The following CFAP54 variants were observed in gnomAD, a reference collection of about 807,000 sequenced individuals.
The protein encoded by CFAP54 is cilia- and flagella-associated protein 54.
A neutral mutation model predicts 370.4 loss-of-function variants in CFAP54; 290 were observed. The ratio of observed to expected loss-of-function variants is 0.78; its 90% CI spans 0.71 to 0.86. The LOEUF (loss-of-function observed/expected upper bound fraction) is 0.86. Among genes scored for constraint, CFAP54 ranks in the 40% least tolerant of loss-of-function variants. The probability of loss-of-function intolerance (pLI) is 0.00; values close to 1 mark genes in which losing one functional copy is unlikely to be tolerated. For synonymous variants in CFAP54, 1,206 were observed against 1,236.5 expected (o/e 0.98, Z 0.52); for missense variants, 3,399 against 3,528.7 (o/e 0.96, Z 0.93).
intron 1 of CFAP54, among the ~76,000 whole-genome samples, chr12:96,491,491 G>A (rs1412141649): frequency 1.3e-5 from 2 of 152,164 alleles, no homozygotes; most frequent in African/African-American, 4.8e-5. Context: ...CTAAGGGAGT[G>A]TGTGTGTAAA....
At chr12:96,773,262 A>G (rs1478281880) in intron 60 of CFAP54, among the ~76,000 whole-genome samples, 2 of 152,290 alleles carry the variant, frequency 1.3e-5, no homozygotes, top group East Asian at 3.9e-4. Context: ...GTAGATCAGG[A>G]ATTTGTCTGA....
At chr12:96,619,636 G>GA (rs1956463109) in intron 26 of CFAP54, among the ~76,000 whole-genome samples, 1 of 152,024 alleles carries the variant, frequency 6.6e-6, no homozygotes, top group South Asian at 2.1e-4. Context: ...CCTTTGGCTG[G>GA]AAAAAATTCT....
At chr12:96,493,401 C>T (rs566563951) in intron 1 of CFAP54, among the ~76,000 whole-genome samples, 107 of 152,342 alleles carry the variant, frequency 7.0e-4, no homozygotes, top group African/African-American at 2.6e-3. Flanking sequence ...TCCTACTAGG[C>T]ACTCTGGATA....
chr12:96,843,882 T>G (rs1959260726), intron 66 of CFAP54, among the ~76,000 whole-genome samples: 1 of 152,202 alleles, frequency 6.6e-6, no homozygotes, highest in African/African-American at 2.4e-5. Flanking sequence ...AATTTTTGCT[T>G]ATACCCTATC....
chr12:96,757,600 T>C lies in CFAP54; in HGVS notation c.8040+12T>C. The stretch of plus-strand genomic sequence containing the variant: ...CATTAACACTTAAGGTAAGAGTCTA[T>C]TTTATTAGAAATTATGAGTTAATTG... On this transcript the variant is annotated intron_variant, in intron 58 of 67. Coordinates refer to ENST00000524981, the MANE Select transcript of CFAP54 (RefSeq NM_001306084.2). The C allele has an allele frequency of 1.3e-6, 2 of 1,498,674 alleles. No homozygotes were observed. The highest frequency in any genetic ancestry group is 1.2e-5 in the South Asian group (1 of 84,340). 92.8% of individuals were successfully genotyped at this position (1,498,674 alleles called of 1,614,324 possible).
At chr12:96,742,260 T>A (rs1958059797) in intron 51 of CFAP54, among the ~76,000 whole-genome samples, 179 bp from the exon 52 acceptor site, 3 of 152,166 alleles carry the variant, frequency 2.0e-5, no homozygotes, top group African/African-American at 7.2e-5. Context: ...GGATTGTGGG[T>A]GATTTTGTTT....
chr12:96,507,530 CACAT>C (rs1339613201), intron 4 of CFAP54, among the ~76,000 whole-genome samples: 1 of 69,016 alleles, frequency 1.4e-5, no homozygotes. Flanking sequence ...CACACACACA[CACAT>C]ACACACACAC....
At chr12:96,801,667 G>T (rs1958821699) in intron 63 of CFAP54, among the ~76,000 whole-genome samples, 2 of 152,130 alleles carry the variant, frequency 1.3e-5, no homozygotes, top group Admixed American at 6.6e-5. Flanking sequence ...TTCCTAGGAG[G>T]ATCCAGCCCA....
intron 64 of CFAP54, among the ~76,000 whole-genome samples, chr12:96,812,260 G>T (rs1165167569): frequency 6.6e-6 from 1 of 152,118 alleles, no homozygotes; most frequent in Non-Finnish European, 1.5e-5. Flanking sequence ...ATTTAATGTG[G>T]CTTTGTATGG....
rs533544068 is a variant in CFAP54 at position 96,812,381 on chromosome 12, C to T, written c.8957+539C>T. ...GTTGTTTTCCTCCCTCTCCATCAAACAGGTCATCTCTCTTAACTTTTTGCT... is the reference window on the plus strand; with the variant it reads ...GTTGTTTTCCTCCCTCTCCATCAAATAGGTCATCTCTCTTAACTTTTTGCT... On this transcript the variant is annotated intron_variant, in intron 64 of 67. Transcript: ENST00000524981. Among the ~76,000 whole-genome samples, 7 of 152,314 alleles carry T rather than the reference C, an allele frequency of 4.6e-5. No individual in the cohort carries two copies. In the South Asian group the frequency reaches 6.2e-4, roughly 14 times the overall value.
rs148068131 is a variant in CFAP54, at chr12:96,564,908, C to T, written c.2619+143C>T. On this transcript the variant is annotated intron_variant, in intron 19 of 67. Transcript: ENST00000524981. ...ATTCACTATATATAATTCATCCTGA[C>T]CAGGGGAACTAATTCGTACCTCCAG... The T allele has an allele frequency of 2.3e-3, 905 of 399,438 alleles. 5 individuals carry two copies. The highest frequency in any genetic ancestry group is 7.3e-3 in the Middle Eastern group (11 of 1,500). The allele number at this position is 399,438 out of a possible 1,614,324, so 24.7% of individuals were successfully genotyped here.
intron 2 of CFAP54, among the ~76,000 whole-genome samples, chr12:96,502,163 G>A (rs1955036246): frequency 6.6e-6 from 1 of 152,064 alleles, no homozygotes; most frequent in Admixed American, 6.6e-5. Flanking sequence ...ATGGCTGGTA[G>A]CTAAGGATTC....
At chr12:96,630,501 T>C in intron 31 of CFAP54, 50 bp from the exon 32 acceptor site, 1 of 953,108 alleles carries the variant, frequency 1.0e-6, no homozygotes, top group Admixed American at 3.2e-5. Flanking sequence ...ATTATACTAC[T>C]GTGTTCAAAG....
At chr12:96,499,989 A>T (rs183909826) in intron 1 of CFAP54, among the ~76,000 whole-genome samples, 3 of 151,994 alleles carry the variant, frequency 2.0e-5, no homozygotes, top group Admixed American at 6.6e-5. Flanking sequence ...AAACAAAAAA[A>T]ACCGTGCGCA....
intron 46 of CFAP54, among the ~76,000 whole-genome samples, chr12:96,702,715 G>A (rs1043242671): frequency 2.0e-5 from 3 of 152,102 alleles, no homozygotes; most frequent in African/African-American, 4.8e-5. Context: ...TGCAGCTTTC[G>A]AGCTTCAGTT....
intron 26 of CFAP54, among the ~76,000 whole-genome samples, chr12:96,602,950 A>G (rs994593221): frequency 8.5e-5 from 13 of 152,158 alleles, no homozygotes; most frequent in Admixed American, 6.5e-4. Flanking sequence ...CACTTAGCCC[A>G]TTTACATTTA....
chr12:96,842,485 G>A (rs1023455669), intron 66 of CFAP54, among the ~76,000 whole-genome samples: 1 of 151,948 alleles, frequency 6.6e-6, no homozygotes, highest in Non-Finnish European at 1.5e-5. Flanking sequence ...TGGCAGTTTT[G>A]TCATTTCAAG....
At chr12:96,798,377 G>A (rs1392786048) in intron 63 of CFAP54, among the ~76,000 whole-genome samples, 1 of 151,824 alleles carries the variant, frequency 6.6e-6, no homozygotes, top group South Asian at 2.1e-4. Context: ...AATTTTCATG[G>A]GGTAGATAAT....
intron 9 of CFAP54, among the ~76,000 whole-genome samples, chr12:96,531,186 C>G (rs1225799914): frequency 6.6e-6 from 1 of 152,084 alleles, no homozygotes; most frequent in Admixed American, 6.5e-5. Flanking sequence ...GAAATACAAA[C>G]TCTAAGAATT....
Sources: allele counts gnomAD v4.1 joint callset (sites outside exome capture counted in the v4.1 genomes callset), GRCh38; gene constraint gnomAD v4.1.1; transcripts MANE v1.5; gene names NCBI Gene and HGNC (gene_info 2026-07-23, HGNC 2026-07-21).